Variants in AOPEP observed in about 807,000 individuals in gnomAD.
The protein encoded by AOPEP is aminopeptidase O (putative).
A neutral mutation model predicts 98.1 loss-of-function variants in AOPEP; 77 were observed. That is an observed-to-expected ratio of 0.78 (90% CI 0.65 to 0.95). The LOEUF is 0.95. Among genes scored for constraint, AOPEP ranks in the 40% least tolerant of loss-of-function variants. The pLI is 0.00. For synonymous variants in AOPEP, 346 were observed against 365.3 expected (o/e 0.95, Z 0.60); for missense variants, 1,024 against 1,024.7 (o/e 1.00, Z 0.01).
At chr9:94,752,180 A>T (rs1390590616) in intron 1 of AOPEP, among the ~76,000 whole-genome samples, 3 of 152,096 alleles carry the variant, frequency 2.0e-5, no homozygotes, top group Admixed American at 6.6e-5. Context: ...GAGCTACTGC[A>T]CCCAGCCTCA....
In AOPEP at chr9:95,027,227, AC is replaced by A. The variant is rs1310694088; in HGVS notation, c.2115+21615del. Among the ~76,000 whole-genome samples, 6 of 152,188 alleles carry A rather than the reference AC, an allele frequency of 3.9e-5. No individual in the cohort carries two copies. In the East Asian group the frequency reaches 9.6e-4, roughly 24 times the overall value. On this transcript the variant is annotated intron_variant, in intron 13 of 16. Transcript: ENST00000375315. ...CAGTGAGCTGTGACCACACCACTAT[AC>A]CCCAGTGTGGGTGACAGAGCCAGAG...
intron 5 of AOPEP, among the ~76,000 whole-genome samples, chr9:94,888,610 G>A (rs2048507877): frequency 6.6e-6 from 1 of 152,188 alleles, no homozygotes; most frequent in South Asian, 2.1e-4. Context: ...ATTAAGGAGT[G>A]TGGACACAAG....
At chr9:95,005,346 C>A (rs1338229633) in intron 12 of AOPEP, 126 bp downstream of exon 12, 1 of 722,426 alleles carries the variant, frequency 1.4e-6, no homozygotes, top group Non-Finnish European at 1.9e-6. Flanking sequence ...CCGGCTCGGG[C>A]GCGGGGAGCG....
Position 94,903,432 on chromosome 9 carries a change from C to T in AOPEP, c.1365-20554C>T, listed in dbSNP as rs183548917. On this transcript the variant is annotated intron_variant, in intron 5 of 16. Transcript: ENST00000375315. ...GATCTGTGATAGCAGGTGTCATCCT[C>T]ATCATCTCTTTACAGTAATCGAATT... 4.6e-5 allele frequency among the ~76,000 whole-genome samples: 7 copies of T among 152,170 alleles called. No homozygotes were observed. In the East Asian group the frequency reaches 1.4e-3, roughly 30 times the overall value.
At chr9:94,777,958 TAAAA>T (rs1238699317) in intron 3 of AOPEP, among the ~76,000 whole-genome samples, 2 of 151,702 alleles carry the variant, frequency 1.3e-5, no homozygotes, top group Non-Finnish European at 2.9e-5. Context: ...AATAAAACAA[TAAAA>T]AACCCCACAT....
intron 1 of AOPEP, among the ~76,000 whole-genome samples, chr9:94,759,016 T>C (rs1259890350): frequency 6.6e-6 from 1 of 152,192 alleles, no homozygotes; most frequent in African/African-American, 2.4e-5. Flanking sequence ...TGTAATGATA[T>C]ACCTTGAGTA....
chr9:94,906,486 A>ATAAT (rs1564358999), intron 5 of AOPEP, among the ~76,000 whole-genome samples: 2 of 149,870 alleles, frequency 1.3e-5, no homozygotes, highest in Non-Finnish European at 3.0e-5. Context: ...TAATAATAAA[A>ATAAT]AAACAGACCC....
chr9:94,742,110 T>C (rs2131964869), intron 1 of AOPEP, among the ~76,000 whole-genome samples: 1 of 152,304 alleles, frequency 6.6e-6, no homozygotes, highest in South Asian at 2.1e-4. Context: ...GGTTGTGTAA[T>C]AGTTGAAGTG....
At chr9:94,743,917 G>T in intron 1 of AOPEP, among the ~76,000 whole-genome samples, 1 of 152,174 alleles carries the variant, frequency 6.6e-6, no homozygotes. Flanking sequence ...AGCGAGCAGG[G>T]ACTTGGGAGT....
chr9:95,111,206 T>C, the AOPEP span: 1 of 1,536,148 alleles, frequency 6.5e-7, no homozygotes, highest in African/African-American at 1.4e-5. Context: ...TCAAATGACC[T>C]TGGGGAAGAA....
intron 5 of AOPEP, among the ~76,000 whole-genome samples, chr9:94,923,673 A>G (rs1319607157): frequency 6.6e-6 from 1 of 152,188 alleles, no homozygotes; most frequent in African/African-American, 2.4e-5. Context: ...TCCAGATTTC[A>G]GAGTAAATGC....
chr9:95,022,436 C>G (rs2063523488), intron 13 of AOPEP, among the ~76,000 whole-genome samples: 1 of 152,186 alleles, frequency 6.6e-6, no homozygotes, highest in South Asian at 2.1e-4. Context: ...CTCTTGGGTT[C>G]AAGCGATTCT....
intron 4 of AOPEP, among the ~76,000 whole-genome samples, chr9:94,793,744 T>A (rs75372351): frequency 0.015 from 2,265 of 152,180 alleles, 55 homozygotes; most frequent in African/African-American, 0.052. Context: ...CTATTATTTA[T>A]GCAGAAAGAG....
At chr9:94,777,631 T>A (rs1451033350) in intron 3 of AOPEP, among the ~76,000 whole-genome samples, 1 of 135,732 alleles carries the variant, frequency 7.4e-6, no homozygotes, top group African/African-American at 2.8e-5. Flanking sequence ...TAATCTTTTT[T>A]TTTTTTTTTT....
chr9:95,074,368 C>T (rs1228484619), intron 14 of AOPEP, among the ~76,000 whole-genome samples: 1 of 152,180 alleles, frequency 6.6e-6, no homozygotes, highest in African/African-American at 2.4e-5. Flanking sequence ...ACCCTAGATT[C>T]CAAGACCCTC....
intron 10 of AOPEP, among the ~76,000 whole-genome samples, chr9:94,969,194 C>T (rs920265233): frequency 6.6e-6 from 1 of 151,788 alleles, no homozygotes; most frequent in Admixed American, 6.6e-5. Flanking sequence ...TGGATCTGGC[C>T]CGTGTTTTTT....
rs936010485 is a variant in AOPEP, at chr9:94,792,892, C to T, written c.1092C>T (p.Pro364=). 2.5e-6 allele frequency: 4 copies of T among 1,611,148 alleles called. No individual in the cohort carries two copies. The South Asian group carries it at 4.4e-5, about 18-fold the overall frequency. ...CAAATGATTTGGCAACAGAGAGACCCTTCTCACCTTCTGAGGCCAACTTCA... is the reference window on the plus strand; with the variant it reads ...CAAATGATTTGGCAACAGAGAGACCTTTCTCACCTTCTGAGGCCAACTTCA... ...WSSNDLATER[P]FSPSEANFRH... The change falls in exon 4 of 17, where the codon CCC becomes CCT. Residue 364 remains proline, a synonymous_variant. Transcript: ENST00000375315.
intron 11 of AOPEP, among the ~76,000 whole-genome samples, chr9:94,996,148 C>T (rs968102818): frequency 1.3e-5 from 2 of 152,170 alleles, no homozygotes; most frequent in Non-Finnish European, 2.9e-5. Context: ...ATTTCATCCA[C>T]CGCTGGAGAA....
intron 1 of AOPEP, among the ~76,000 whole-genome samples, chr9:94,738,667 G>A (rs986195184): frequency 1.3e-4 from 20 of 152,214 alleles, no homozygotes; most frequent in East Asian, 3.9e-4. Flanking sequence ...TCCGCTCCCC[G>A]GGTTCACACC....
Sources: allele counts gnomAD v4.1 joint callset (sites outside exome capture counted in the v4.1 genomes callset), GRCh38; gene constraint gnomAD v4.1.1; transcripts MANE v1.5; gene names NCBI Gene and HGNC (gene_info 2026-07-23, HGNC 2026-07-21).